Variants in CAAP1 observed in about 807,000 individuals in gnomAD.
The protein encoded by CAAP1 is conserved anti-apoptotic protein.
CAAP1 carries 20 observed loss-of-function variants against 34.0 expected under a neutral mutation model. The observed-to-expected ratio is 0.59, with a 90% CI of 0.41 to 0.86. The LOEUF is 0.86. Among genes scored for constraint, CAAP1 ranks in the 40% least tolerant of loss-of-function variants. The probability of loss-of-function intolerance (pLI) is 0.00; values close to 1 mark genes in which losing one functional copy is unlikely to be tolerated. For missense variants in CAAP1, 538 were observed against 450.5 expected, an observed-to-expected ratio of 1.19 and a Z score of -1.76; for synonymous variants, 213 against 166.7, an observed-to-expected ratio of 1.28 and a Z score of -2.14.
rs182470240 is a variant in CAAP1 at position 26,888,887 on chromosome 9, G to A, written c.304-1374C>T. On this transcript the variant is annotated intron_variant, in intron 1 of 5. Coordinates refer to ENST00000333916, the MANE Select transcript of CAAP1 (RefSeq NM_024828.4). ...ATGGAAAAATGAAATGCTGTATAGC[G>A]TTATCTATACGTATGTGGTACATAT... 1.0e-3 allele frequency among the ~76,000 whole-genome samples: 153 copies of A among 152,254 alleles called. 1 individual carries two copies. The highest frequency in any genetic ancestry group is 2.7e-3 in the Admixed American group (41 of 15,298).
At chr9:26,888,186 A>C (rs893605034) in intron 1 of CAAP1, among the ~76,000 whole-genome samples, 1 of 151,788 alleles carries the variant, frequency 6.6e-6, no homozygotes, top group Admixed American at 6.5e-5. Context: ...CTGTTAGCAG[A>C]ATGGATTTTA....
intron 1 of CAAP1, 148 bp downstream of exon 1, chr9:26,892,265 T>C: frequency 6.6e-7 from 1 of 1,524,882 alleles, no homozygotes; most frequent in Non-Finnish European, 8.8e-7. Context: ...TCACCAGGAC[T>C]TAGGTAGGAA....
chr9:26,848,309 G>A (rs554547055), intron 5 of CAAP1, among the ~76,000 whole-genome samples: 1 of 152,210 alleles, frequency 6.6e-6, no homozygotes, highest in East Asian at 1.9e-4. Context: ...GTCAAGAGAT[G>A]GAGACCATTC....
intron 5 of CAAP1, among the ~76,000 whole-genome samples, chr9:26,846,858 C>T (rs948708746): frequency 3.3e-5 from 5 of 151,236 alleles, no homozygotes; most frequent in East Asian, 2.0e-4. Flanking sequence ...TGGCTAATTT[C>T]GTATTTTTAG....
intron 1 of CAAP1, among the ~76,000 whole-genome samples, chr9:26,889,298 A>G (rs940238212): frequency 3.3e-5 from 5 of 152,068 alleles, no homozygotes; most frequent in Admixed American, 3.3e-4. Flanking sequence ...GGTGCCTGTA[A>G]TCCCAACTAC....
rs1185062711 is a variant in CAAP1, at chr9:26,841,197, TAAATA to T, written c.*1099_*1103del. 6.6e-6 allele frequency: 1 copy of T among 152,224 alleles called. No individual in the cohort carries two copies. The highest frequency in any genetic ancestry group is 1.5e-5 in the Non-Finnish European group (1 of 67,986). 9.4% of individuals were successfully genotyped at this position (152,224 alleles called of 1,614,324 possible). A position where few individuals can be genotyped will look rare whatever the true frequency, so the allele number is the denominator to read the frequency against. ...TACAGTATCAGTAGACCATGGCTTA[TAAATA>T]AAATATACTGTATTTGTTATCAAAT... On this transcript the variant is annotated 3_prime_UTR_variant, in exon 6 of 6. Transcript: ENST00000333916.
intron 5 of CAAP1, among the ~76,000 whole-genome samples, chr9:26,843,774 T>C (rs934470045): frequency 3.3e-5 from 5 of 152,202 alleles, no homozygotes; most frequent in African/African-American, 9.6e-5. Context: ...ATTGGTTTTA[T>C]AATCAATGAT....
chr9:26,871,586 A>T (rs976233977), intron 4 of CAAP1, among the ~76,000 whole-genome samples: 1 of 151,146 alleles, frequency 6.6e-6, no homozygotes, highest in Admixed American at 6.6e-5. Context: ...TTAAAAAAAA[A>T]AAAAAAAAGA....
chr9:26,892,260 A>AG, intron 1 of CAAP1, 153 bp downstream of exon 1: 1 of 1,518,576 alleles, frequency 6.6e-7, no homozygotes, highest in Non-Finnish European at 8.8e-7. Flanking sequence ...GGGGCTCACC[A>AG]GGACTTAGGT....
At chr9:26,871,315 T>C (rs1166291352) in intron 4 of CAAP1, among the ~76,000 whole-genome samples, 2 of 152,162 alleles carry the variant, frequency 1.3e-5, no homozygotes, top group African/African-American at 4.8e-5. Flanking sequence ...CAGTGGCTCA[T>C]GCCTGTAATC....
At chr9:26,892,251 G>A in intron 1 of CAAP1, 162 bp downstream of exon 1, 3 of 1,505,874 alleles carry the variant, frequency 2.0e-6, no homozygotes, top group Non-Finnish European at 2.7e-6. Flanking sequence ...TGGGAGTGTG[G>A]GGCTCACCAG....
intron 4 of CAAP1, among the ~76,000 whole-genome samples, chr9:26,863,557 T>C (rs1055598657): frequency 5.3e-5 from 8 of 151,990 alleles, no homozygotes; most frequent in African/African-American, 1.9e-4. Context: ...TTTATGAAAA[T>C]AAAAATTTTG....
intron 5 of CAAP1, among the ~76,000 whole-genome samples, chr9:26,860,098 A>C (rs1367150369): frequency 2.0e-5 from 3 of 152,218 alleles, no homozygotes; most frequent in Admixed American, 1.3e-4. Flanking sequence ...ATTACATGAT[A>C]GATAACTTAA....
At chr9:26,878,334 T>C (rs1179038217) in intron 4 of CAAP1, among the ~76,000 whole-genome samples, 1 of 152,230 alleles carries the variant, frequency 6.6e-6, no homozygotes, top group Non-Finnish European at 1.5e-5. Context: ...TTCATGCATG[T>C]GTTTATGTAT....
At chr9:26,863,111 T>C (rs1459799133) in intron 4 of CAAP1, among the ~76,000 whole-genome samples, 1 of 152,162 alleles carries the variant, frequency 6.6e-6, no homozygotes, top group Non-Finnish European at 1.5e-5. Flanking sequence ...TATGAAAGCC[T>C]CTTAGAGCCC....
intron 4 of CAAP1, chr9:26,870,039 CTTTTT>C (rs555433697): frequency 5.8e-4 from 160 of 277,448 alleles, no homozygotes; most frequent in Middle Eastern, 1.8e-3. Context: ...GAAAGAATAA[CTTTTT>C]TTTTTTTTTT....
At position 26,892,398 on chromosome 9, in the gene CAAP1, G is replaced by C. The variant is rs767367973; in HGVS notation, c.303+15C>G. The C allele has an allele frequency of 7.5e-6, 12 of 1,604,332 alleles. No individual in the cohort carries two copies. In the African/African-American group the frequency reaches 1.2e-4, roughly 16 times the overall value. On this transcript the variant is annotated intron_variant, in intron 1 of 5. Coordinates refer to ENST00000333916, the MANE Select transcript of CAAP1 (RefSeq NM_024828.4). ...GCAGCAGCTCCAGGAAGCGGCCAGA[G>C]GGGCGCGCACGCACCTGCTGCAAGG...
At chr9:26,888,880 G>A (rs1823823849) in intron 1 of CAAP1, among the ~76,000 whole-genome samples, 1 of 152,200 alleles carries the variant, frequency 6.6e-6, no homozygotes, top group Non-Finnish European at 1.5e-5. Flanking sequence ...ATGAAATGCT[G>A]TATAGCGTTA....
chr9:26,874,206 CAAAAAAAAAAA>C (rs34601727), intron 4 of CAAP1, among the ~76,000 whole-genome samples: 7 of 53,236 alleles, frequency 1.3e-4, no homozygotes, highest in Admixed American at 7.0e-4. Context: ...GACTCTGTCT[CAAAAAAAAAAA>C]AAAAAAAAAA....
Sources: gnomAD v4.1 joint callset for allele counts (sites outside exome capture counted in the v4.1 genomes callset) on GRCh38, gnomAD v4.1.1 for gene constraint, MANE v1.5 for transcripts, NCBI Gene and HGNC (gene_info 2026-07-23, HGNC 2026-07-21) for gene names.